PTPRD: variants seen among roughly 807,000 people sequenced by gnomAD.
PTPRD encodes receptor-type tyrosine-protein phosphatase delta.
A neutral mutation model predicts 214.5 loss-of-function variants in PTPRD; 34 were observed. The observed-to-expected ratio is 0.16, with a 90% CI of 0.12 to 0.21. The LOEUF (loss-of-function observed/expected upper bound fraction) is 0.21, where lower values mean the gene tolerates loss of function less well. PTPRD is among the 10% of genes least tolerant of loss of function. The pLI is 1.00. For missense variants in PTPRD, 2,545 were observed against 2,398.7 expected, an observed-to-expected ratio of 1.06 and a Z score of -1.27; for synonymous variants, 1,128 against 845.7, an observed-to-expected ratio of 1.33 and a Z score of -5.79.
At chr9:9,371,823 C>T (rs1258195141) in intron 9 of PTPRD, among the ~76,000 whole-genome samples, 2 of 152,062 alleles carry the variant, frequency 1.3e-5, no homozygotes, top group African/African-American at 2.4e-5. Flanking sequence ...TCTTTGTTCT[C>T]GTTTGTTTCA....
At chr9:10,153,768 T>C (rs1355512311) in intron 3 of PTPRD, among the ~76,000 whole-genome samples, 1 of 152,108 alleles carries the variant, frequency 6.6e-6, no homozygotes, top group East Asian at 1.9e-4. Context: ...CACTTATAAA[T>C]TAGAACATGT....
intron 10 of PTPRD, among the ~76,000 whole-genome samples, chr9:9,135,344 G>C (rs2099849215): frequency 6.6e-6 from 1 of 152,134 alleles, no homozygotes; most frequent in Non-Finnish European, 1.5e-5. Flanking sequence ...TTTTGGTTCA[G>C]AGAAACATTT....
At chr9:10,574,817 T>A (rs897328258) in intron 2 of PTPRD, among the ~76,000 whole-genome samples, 7 of 134,082 alleles carry the variant, frequency 5.2e-5, no homozygotes, top group Non-Finnish European at 1.2e-4. Context: ...TGTGTGCATA[T>A]ATATATATAT....
chr9:9,678,182 T>C (rs1021570082), intron 7 of PTPRD, among the ~76,000 whole-genome samples: 2 of 152,134 alleles, frequency 1.3e-5, no homozygotes, highest in African/African-American at 4.8e-5. Context: ...CCCATCAAGC[T>C]ACCAATGACT....
intron 7 of PTPRD, among the ~76,000 whole-genome samples, chr9:9,611,481 C>A (rs1006125786): frequency 6.6e-6 from 1 of 151,948 alleles, no homozygotes; most frequent in African/African-American, 2.4e-5. Flanking sequence ...ATAACATCAT[C>A]TTTAATTGGA....
At chr9:8,340,505 A>G in intron 41 of PTPRD, 36 bp from the exon 42 acceptor site, 3 of 1,508,582 alleles carry the variant, frequency 2.0e-6, no homozygotes, top group Non-Finnish European at 2.7e-6. Flanking sequence ...GTGTTAAAGT[A>G]TTTAGAGAAC....
rs761328704 is a variant in PTPRD, at chr9:9,196,392, A to T, written c.-202-13029T>A. Among the ~76,000 whole-genome samples the T allele has an allele frequency of 3.3e-4, 50 of 152,192 alleles. 1 individual carries two copies. The highest frequency in any genetic ancestry group is 1.6e-3 in the Admixed American group (25 of 15,268). On this transcript the variant is annotated intron_variant, in intron 9 of 45. Coordinates refer to ENST00000381196, the MANE Select transcript of PTPRD (RefSeq NM_002839.4). ...CTTGCTCTGAAATAATTCAGAAATG[A>T]ACAACACAGTATCTCTGCCATGATA...
chr9:8,938,033 G>A (rs752558285), intron 11 of PTPRD, among the ~76,000 whole-genome samples: 33 of 152,074 alleles, frequency 2.2e-4, no homozygotes, highest in Non-Finnish European at 3.5e-4. Flanking sequence ...TTCTCAACAA[G>A]TTTACAGTTT....
At chr9:9,184,304 C>T (rs992404780) in intron 9 of PTPRD, among the ~76,000 whole-genome samples, 2 of 152,034 alleles carry the variant, frequency 1.3e-5, no homozygotes, top group Non-Finnish European at 2.9e-5. Context: ...TGTTACATAG[C>T]CAGACTACAT....
intron 3 of PTPRD, among the ~76,000 whole-genome samples, chr9:10,253,471 C>T (rs1189665877): frequency 1.3e-5 from 2 of 152,222 alleles, no homozygotes; most frequent in African/African-American, 2.4e-5. Flanking sequence ...GGCTCAGCTG[C>T]TCAGGAATAT....
intron 5 of PTPRD, among the ~76,000 whole-genome samples, chr9:9,781,584 G>C (rs1449895142): frequency 6.6e-6 from 1 of 152,144 alleles, no homozygotes; most frequent in Non-Finnish European, 1.5e-5. Flanking sequence ...CAGGAAGTCT[G>C]AAGCACCAAG....
intron 8 of PTPRD, among the ~76,000 whole-genome samples, chr9:9,463,705 T>A (rs1227281874): frequency 6.6e-6 from 1 of 152,084 alleles, no homozygotes; most frequent in Non-Finnish European, 1.5e-5. Flanking sequence ...TGTTGTGAAA[T>A]AGTGGGCATT....
chr9:10,530,932 T>C (rs914117240), intron 2 of PTPRD, among the ~76,000 whole-genome samples: 1 of 151,928 alleles, frequency 6.6e-6, no homozygotes, highest in African/African-American at 2.4e-5. Flanking sequence ...ATACAGACAA[T>C]GGATGCTAAA....
chr9:9,477,310 A>G (rs534576440), intron 8 of PTPRD, among the ~76,000 whole-genome samples: 2 of 152,194 alleles, frequency 1.3e-5, no homozygotes, highest in South Asian at 4.1e-4. Flanking sequence ...CTATGATGAT[A>G]TCACCCATTG....
chr9:9,561,022 G>A (rs1200270815), intron 8 of PTPRD, among the ~76,000 whole-genome samples: 1 of 152,122 alleles, frequency 6.6e-6, no homozygotes, highest in Non-Finnish European at 1.5e-5. Context: ...GCCATGTCAA[G>A]CCATGTTGAG....
intron 9 of PTPRD, among the ~76,000 whole-genome samples, chr9:9,201,146 C>A (rs1197138350): frequency 6.6e-6 from 1 of 151,930 alleles, no homozygotes; most frequent in Non-Finnish European, 1.5e-5. Context: ...AAGCTTTTTT[C>A]TTTTTTTGTA....
intron 6 of PTPRD, among the ~76,000 whole-genome samples, chr9:9,738,722 G>A (rs1242598418): frequency 3.3e-5 from 5 of 152,084 alleles, no homozygotes; most frequent in African/African-American, 7.2e-5. Context: ...GATTACAGGC[G>A]TGAACCACCA....
At chr9:9,355,002 G>C (rs966315986) in intron 9 of PTPRD, among the ~76,000 whole-genome samples, 2 of 151,648 alleles carry the variant, frequency 1.3e-5, no homozygotes, top group African/African-American at 4.8e-5. Flanking sequence ...CAGATAATTA[G>C]GTGCCATTGT....
intron 9 of PTPRD, among the ~76,000 whole-genome samples, chr9:9,302,610 T>TC (rs1555200246): frequency 6.7e-6 from 1 of 149,034 alleles, no homozygotes; most frequent in Admixed American, 6.7e-5. Context: ...TCTTTTTTTT[T>TC]TTTTTTTGTC....
Sources: gnomAD v4.1 joint callset for allele counts (sites outside exome capture counted in the v4.1 genomes callset) on GRCh38, gnomAD v4.1.1 for gene constraint, MANE v1.5 for transcripts, NCBI Gene and HGNC (gene_info 2026-07-23, HGNC 2026-07-21) for gene names.